AKT3: variants seen among roughly 807,000 people sequenced by gnomAD.
The protein encoded by AKT3 is RAC-gamma serine/threonine-protein kinase.
In AKT3, 15 loss-of-function variants were observed where a neutral mutation model predicts 65.3. The ratio of observed to expected loss-of-function variants is 0.23; its 90% CI spans 0.15 to 0.35. The LOEUF is 0.35. Ranked by LOEUF, AKT3 falls within the 10% of genes least tolerant of loss-of-function variation. The probability of loss-of-function intolerance (pLI) is 1.00; values close to 1 mark genes in which losing one functional copy is unlikely to be tolerated. For synonymous variants in AKT3, 206 were observed against 183.8 expected, an observed-to-expected ratio of 1.12 and a Z score of -0.98; for missense variants, 243 against 576.5, an observed-to-expected ratio of 0.42 and a Z score of 5.92.
intron 8 of AKT3, among the ~76,000 whole-genome samples, chr1:243,582,823 TA>T (rs924390036): frequency 6.6e-6 from 1 of 151,748 alleles, no homozygotes; most frequent in Non-Finnish European, 1.5e-5. Flanking sequence ...GCATGTTGGA[TA>T]AAAAAACAAG....
intron 2 of AKT3, among the ~76,000 whole-genome samples, chr1:243,842,186 AT>A (rs1430717268): frequency 1.3e-5 from 2 of 152,236 alleles, no homozygotes; most frequent in African/African-American, 2.4e-5. Flanking sequence ...CATTTAAAAA[AT>A]AATCCATAAT....
chr1:243,673,463 T>C (rs967621665), intron 3 of AKT3, among the ~76,000 whole-genome samples: 1 of 152,186 alleles, frequency 6.6e-6, no homozygotes, highest in African/African-American at 2.4e-5. Flanking sequence ...TATTTAATAG[T>C]GGCATAAAAC....
chr1:243,596,931 A>G (rs1181342482), intron 8 of AKT3, among the ~76,000 whole-genome samples: 1 of 152,230 alleles, frequency 6.6e-6, no homozygotes, highest in Non-Finnish European at 1.5e-5. Flanking sequence ...GAATGAAAGA[A>G]GTAGATACAA....
chr1:243,843,763 T>C (rs572828012), intron 1 of AKT3, among the ~76,000 whole-genome samples: 5 of 151,968 alleles, frequency 3.3e-5, no homozygotes, highest in Non-Finnish European at 7.4e-5. Context: ...GCGATTCTTC[T>C]GCCTCAGCCT....
chr1:243,507,914 A>G (rs1669772099), intron 13 of AKT3, among the ~76,000 whole-genome samples: 1 of 152,222 alleles, frequency 6.6e-6, no homozygotes, highest in Non-Finnish European at 1.5e-5. Flanking sequence ...CAGTGAGGAC[A>G]ATCTGGCATG....
At chr1:243,672,972 T>C (rs1165432875) in intron 3 of AKT3, among the ~76,000 whole-genome samples, 3 of 152,200 alleles carry the variant, frequency 2.0e-5, no homozygotes, top group African/African-American at 7.2e-5. Context: ...AAAAATGACA[T>C]AAGGCATTTA....
At chr1:243,825,097 T>C (rs1019436262) in intron 2 of AKT3, among the ~76,000 whole-genome samples, 8 of 152,196 alleles carry the variant, frequency 5.3e-5, no homozygotes, top group Non-Finnish European at 1.2e-4. Context: ...ATCACGTCCT[T>C]TGCAGGAGCA....
chr1:243,724,872 A>T (rs527426067), intron 2 of AKT3, among the ~76,000 whole-genome samples: 1 of 152,264 alleles, frequency 6.6e-6, no homozygotes, highest in South Asian at 2.1e-4. Flanking sequence ...TTGTTATAAA[A>T]TATCCTACAA....
chr1:243,766,534 T>A (rs1229184626), intron 2 of AKT3, among the ~76,000 whole-genome samples: 1 of 152,144 alleles, frequency 6.6e-6, no homozygotes, highest in African/African-American at 2.4e-5. Context: ...GGAGTTCAAT[T>A]AACATTTAAC....
chr1:243,752,007 G>A (rs1454410583), intron 2 of AKT3, among the ~76,000 whole-genome samples: 1 of 152,154 alleles, frequency 6.6e-6, no homozygotes, highest in Non-Finnish European at 1.5e-5. Context: ...TTGGTACTCT[G>A]ATTGGCTAGC....
intron 2 of AKT3, among the ~76,000 whole-genome samples, chr1:243,828,641 A>T (rs1280239971): frequency 6.6e-6 from 1 of 152,020 alleles, no homozygotes; most frequent in Non-Finnish European, 1.5e-5. Flanking sequence ...TCTTAATAAC[A>T]TTTTTTCTCT....
intron 12 of AKT3, among the ~76,000 whole-genome samples, chr1:243,530,325 C>T (rs888088840): frequency 2.0e-5 from 3 of 152,120 alleles, no homozygotes; most frequent in Non-Finnish European, 4.4e-5. Flanking sequence ...CAACCACACT[C>T]TCAGACCACA....
intron 6 of AKT3, among the ~76,000 whole-genome samples, chr1:243,621,358 T>A (rs1678736587): frequency 6.6e-6 from 1 of 152,198 alleles, no homozygotes. Context: ...GTTCTTCTTT[T>A]GGGTCCCAGG....
rs1185219188 is a variant in AKT3 at position 243,637,507 on chromosome 1, T to A, written c.561+104A>T. 4.1e-6 allele frequency: 4 copies of A among 963,952 alleles called. No homozygotes were observed. The African/African-American group carries it at 6.7e-5, about 16-fold the overall frequency. 59.7% of individuals were successfully genotyped at this position (963,952 alleles called of 1,614,324 possible). On this transcript the variant is annotated intron_variant, in intron 6 of 13. Coordinates refer to ENST00000673466, the MANE Select transcript of AKT3 (RefSeq NM_005465.7). ...GCAGTAGTCTACAACCATATTTTGGTTGTTTAATGGAATTTGCATACATTA... is the reference window on the plus strand; with the variant it reads ...GCAGTAGTCTACAACCATATTTTGGATGTTTAATGGAATTTGCATACATTA...
At chr1:243,623,605 G>A (rs997175764) in intron 6 of AKT3, among the ~76,000 whole-genome samples, 3 of 152,124 alleles carry the variant, frequency 2.0e-5, no homozygotes, top group Non-Finnish European at 4.4e-5. Context: ...CAGAACTCTA[G>A]GCTCTCTGAC....
intron 4 of AKT3, among the ~76,000 whole-genome samples, chr1:243,655,792 G>C (rs1223668769): frequency 6.6e-6 from 1 of 152,012 alleles, no homozygotes; most frequent in Non-Finnish European, 1.5e-5. Flanking sequence ...GCAGATCCTA[G>C]ATTCCAAAAT....
chr1:243,789,449 A>G (rs1187307773), intron 2 of AKT3, among the ~76,000 whole-genome samples: 2 of 152,246 alleles, frequency 1.3e-5, no homozygotes, highest in Admixed American at 6.5e-5. Context: ...ATGTTTTATC[A>G]TAATACTGCA....
At chr1:243,509,768 G>A (rs1435698924) in intron 13 of AKT3, among the ~76,000 whole-genome samples, 3 of 152,104 alleles carry the variant, frequency 2.0e-5, no homozygotes, top group South Asian at 4.2e-4. Context: ...CAAATTGGCA[G>A]AACTCTCGGT....
chr1:243,829,691 A>G (rs1184324822), intron 2 of AKT3, among the ~76,000 whole-genome samples: 1 of 152,212 alleles, frequency 6.6e-6, no homozygotes, highest in Non-Finnish European at 1.5e-5. Context: ...CAAAAACTAG[A>G]AAGAGTAACA....
Sources: gnomAD v4.1 joint callset for allele counts (sites outside exome capture counted in the v4.1 genomes callset) on GRCh38, gnomAD v4.1.1 for gene constraint, MANE v1.5 for transcripts, NCBI Gene and HGNC (gene_info 2026-07-23, HGNC 2026-07-21) for gene names.